The following TDRD1 variants were observed in gnomAD, a reference collection of about 807,000 sequenced individuals.
TDRD1 encodes tudor domain containing 1, also known as tudor domain-containing protein 1.
TDRD1 carries 37 observed loss-of-function variants against 140.6 expected under a neutral mutation model. The observed-to-expected ratio is 0.26, with a 90% CI of 0.20 to 0.35. The LOEUF is 0.35. Ranked by LOEUF, TDRD1 falls within the 10% of genes least tolerant of loss-of-function variation. TDRD1 has a pLI of 1.00. For missense variants in TDRD1, 1,243 were observed against 1,393.0 expected (o/e 0.89, Z 1.71); for synonymous variants, 506 against 475.7 (o/e 1.06, Z -0.83).
intron 2 of TDRD1, among the ~76,000 whole-genome samples, chr10:114,190,176 G>A (rs907877984): frequency 2.6e-5 from 4 of 152,040 alleles, no homozygotes; most frequent in African/African-American, 4.8e-5. Flanking sequence ...CTTCTGTTAA[G>A]CCAATCATTA....
intron 21 of TDRD1, among the ~76,000 whole-genome samples, chr10:114,223,266 G>A (rs1463201792): frequency 6.6e-6 from 1 of 152,208 alleles, no homozygotes; most frequent in Non-Finnish European, 1.5e-5. Context: ...GCTCCTGCCA[G>A]TCCCTGGGCA....
intron 21 of TDRD1, among the ~76,000 whole-genome samples, chr10:114,224,790 C>A (rs1269834059): frequency 5.3e-5 from 8 of 152,114 alleles, no homozygotes; most frequent in African/African-American, 1.9e-4. Context: ...TTGTCATATT[C>A]CTCCTTGGTT....
At chr10:114,208,505 G>A (rs1024618530) in intron 11 of TDRD1, among the ~76,000 whole-genome samples, 5 of 152,132 alleles carry the variant, frequency 3.3e-5, no homozygotes, top group Admixed American at 1.3e-4. Flanking sequence ...GGTCTCTAAT[G>A]TCAGCATACC....
intron 5 of TDRD1, 95 bp downstream of exon 5, chr10:114,201,610 A>G (rs2034748550): frequency 1.0e-6 from 1 of 974,298 alleles, no homozygotes. Context: ...AACCAAGTAG[A>G]AGTTACTTTT....
chr10:114,176,589 G>C (rs2032701076), upstream of TDRD1, among the ~76,000 whole-genome samples: 1 of 152,086 alleles, frequency 6.6e-6, no homozygotes, highest in Non-Finnish European at 1.5e-5. This position sits in a 1 kb window ranked among gnomAD's most constrained non-coding sequence, Gnocchi z 4.2. Context: ...TAACATTTGA[G>C]GTATCTGGAA....
At chr10:114,186,384 C>A (rs994072454) in intron 1 of TDRD1, among the ~76,000 whole-genome samples, 1 of 152,098 alleles carries the variant, frequency 6.6e-6, no homozygotes, top group African/African-American at 2.4e-5. Flanking sequence ...CTGCCTCAGC[C>A]TCCTGAGTAG....
chr10:114,191,167 C>A (rs183514597), intron 3 of TDRD1, 148 bp downstream of exon 3: 5 of 850,654 alleles, frequency 5.9e-6, no homozygotes, highest in Non-Finnish European at 8.9e-6. Context: ...AGAAAACTTT[C>A]TTAGGTTATT....
intron 3 of TDRD1, among the ~76,000 whole-genome samples, chr10:114,196,688 A>G (rs2132893334): frequency 6.6e-6 from 1 of 151,410 alleles, no homozygotes; most frequent in East Asian, 1.9e-4. Flanking sequence ...GTAAGGGATT[A>G]TTTTCCTCTT....
chr10:114,227,869 A>C (rs898037510), intron 23 of TDRD1, 41 bp from the exon 24 acceptor site: 7 of 1,552,900 alleles, frequency 4.5e-6, no homozygotes, highest in South Asian at 3.4e-5. Context: ...TCTTCTTTAC[A>C]TTATGTGTTA....
At chr10:114,206,608 TTTG>T (rs1217653825) in intron 11 of TDRD1, among the ~76,000 whole-genome samples, 1 of 135,288 alleles carries the variant, frequency 7.4e-6, no homozygotes, top group Admixed American at 8.5e-5. Context: ...AGAGTTAGGG[TTTG>T]TTTTTTTTTT....
At chr10:114,229,609 C>T (rs1156724005) in intron 25 of TDRD1, among the ~76,000 whole-genome samples, 3 of 138,942 alleles carry the variant, frequency 2.2e-5, no homozygotes, top group East Asian at 2.0e-4. Flanking sequence ...AGTGCAATGG[C>T]GTGATCTCGG....
At chr10:114,190,265 A>G (rs542841869) in intron 2 of TDRD1, among the ~76,000 whole-genome samples, 1 of 152,334 alleles carries the variant, frequency 6.6e-6, no homozygotes, top group East Asian at 1.9e-4. Flanking sequence ...CATGTAATGC[A>G]TTTATTTTTA....
intron 25 of TDRD1, among the ~76,000 whole-genome samples, chr10:114,230,855 A>C (rs2036713259): frequency 6.6e-6 from 1 of 152,106 alleles, no homozygotes; most frequent in African/African-American, 2.4e-5. Flanking sequence ...CATGAGGCCC[A>C]GGAGTTTGAG....
chr10:114,188,502 T>C (rs1017237545), intron 2 of TDRD1, among the ~76,000 whole-genome samples: 10 of 152,206 alleles, frequency 6.6e-5, no homozygotes, highest in African/African-American at 2.2e-4. Flanking sequence ...ATCGCAAAGA[T>C]ATAGCTAAGA....
At chr10:114,220,302 C>T (rs950183305) in intron 18 of TDRD1, among the ~76,000 whole-genome samples, 1 of 152,168 alleles carries the variant, frequency 6.6e-6, no homozygotes, top group African/African-American at 2.4e-5. Context: ...AACAGTACTC[C>T]TTTTTCTATT....
chr10:114,190,825 T>C, intron 2 of TDRD1, 136 bp from the exon 3 acceptor site: 3 of 791,124 alleles, frequency 3.8e-6, no homozygotes, highest in Non-Finnish European at 6.1e-6. Context: ...AGGATGTTGC[T>C]TATGTTCTGG....
At chr10:114,231,375 G>A (rs900440366) in intron 25 of TDRD1, 34 of 906,862 alleles carry the variant, frequency 3.7e-5, no homozygotes, top group South Asian at 1.5e-4. Context: ...GCTTAAATGC[G>A]TAATTTCAGT....
intron 20 of TDRD1, 66 bp from the exon 21 acceptor site, chr10:114,222,521 T>C (rs1280783000): frequency 1.2e-6 from 1 of 851,612 alleles, no homozygotes; most frequent in Non-Finnish European, 1.9e-6. Flanking sequence ...CTTGCCATTC[T>C]TTTGTATAGT....
At chr10:114,212,454 A>G (rs1249914290) in intron 14 of TDRD1, among the ~76,000 whole-genome samples, 3 of 152,184 alleles carry the variant, frequency 2.0e-5, no homozygotes, top group Non-Finnish European at 4.4e-5. Context: ...TTACATGCCC[A>G]ACGAAAAAGT....
Sources: allele counts gnomAD v4.1 joint callset (sites outside exome capture counted in the v4.1 genomes callset), GRCh38; gene constraint gnomAD v4.1.1; non-coding constraint Gnocchi (gnomAD v3.1); transcripts MANE v1.5; gene names NCBI Gene and HGNC (gene_info 2026-07-23, HGNC 2026-07-21).